NOTCH2: variants seen among roughly 807,000 people sequenced by gnomAD.
The protein encoded by NOTCH2 is neurogenic locus notch homolog protein 2.
NOTCH2 carries 29 observed loss-of-function variants against 235.8 expected under a neutral mutation model. The ratio of observed to expected loss-of-function variants is 0.12; its 90% CI spans 0.09 to 0.17. The LOEUF is 0.17. Among genes scored for constraint, NOTCH2 ranks in the 10% least tolerant of loss-of-function variants. The pLI is 1.00. For missense variants in NOTCH2, 2,285 were observed against 3,150.2 expected, an observed-to-expected ratio of 0.73 and a Z score of 6.57; for synonymous variants, 1,086 against 1,141.5, an observed-to-expected ratio of 0.95 and a Z score of 0.98.
At chr1:119,934,983 T>C (rs1649795408) in intron 22 of NOTCH2, 1 of 501,912 alleles carries the variant, frequency 2.0e-6, no homozygotes, top group Non-Finnish European at 2.6e-6. Context: ...CCTTACTGCA[T>C]CCTAAGGTAG....
Position 119,937,479 on chromosome 1 carries a change from G to A in NOTCH2, c.3338-13C>T. 3 of 1,611,550 alleles carry A rather than the reference G, an allele frequency of 1.9e-6. No individual in the cohort carries two copies. The highest frequency in any genetic ancestry group is 2.2e-5 in the East Asian group (1 of 44,870). ...TCAACAAGCACACCTGGGAAACCCA[G>A]TGAGGGAGAAATGTCATAGAAGAAC... On this transcript the variant is annotated splice_polypyrimidine_tract_variant and intron_variant, in intron 20 of 33. Transcript: ENST00000256646.
chr1:119,925,843 T>C, intron 24 of NOTCH2, 33 bp from the exon 25 acceptor site: 1 of 1,612,962 alleles, frequency 6.2e-7, no homozygotes. Flanking sequence ...AAAAATGGCA[T>C]TGGTAGGAAA....
intron 30 of NOTCH2, among the ~76,000 whole-genome samples, 168 bp from the exon 31 acceptor site, chr1:119,919,781 T>C (rs1023190872): frequency 2.0e-5 from 3 of 152,246 alleles, no homozygotes; most frequent in African/African-American, 4.8e-5. Context: ...CCTCTGATAG[T>C]ATCATTTCTG....
At chr1:119,969,826 T>G in intron 5 of NOTCH2, 82 bp from the exon 6 acceptor site, 1 of 1,222,128 alleles carries the variant, frequency 8.2e-7, no homozygotes, top group South Asian at 1.3e-5. Flanking sequence ...ACTCTTCATC[T>G]TCATGTGACC....
rs1452933408 is a variant in NOTCH2 at position 119,925,673 on chromosome 1, G to A, written c.4143C>T (p.Ser1381=). 2.5e-6 allele frequency: 4 copies of A among 1,612,322 alleles called. No individual in the cohort carries two copies. In the South Asian group the frequency reaches 3.3e-5, roughly 13 times the overall value. ...PRDCESGCAS[S]PCQHGGSCHP... ...GGCAGCTGCCCCCGTGCTGGCAGGGGCTACTGGCACAGCCTGACTCGCAGT... is the reference window on the plus strand; with the variant it reads ...GGCAGCTGCCCCCGTGCTGGCAGGGACTACTGGCACAGCCTGACTCGCAGT... The change falls in exon 25 of 34, where the codon AGC becomes AGT. Residue 1381 remains serine (S), a synonymous_variant. Transcript: ENST00000256646.
intron 5 of NOTCH2, among the ~76,000 whole-genome samples, chr1:119,980,038 T>C (rs1022337312): frequency 2.0e-5 from 3 of 152,234 alleles, no homozygotes; most frequent in African/African-American, 7.2e-5. Flanking sequence ...GCTTATGTTC[T>C]CGCTCTTTCC....
At chr1:119,996,048 T>C (rs1363290094) in intron 4 of NOTCH2, 5 of 153,402 alleles carry the variant, frequency 3.3e-5, no homozygotes, top group Non-Finnish European at 5.8e-5. Context: ...ACAGTTTTCC[T>C]TCTTTTGTTT....
At chr1:119,975,982 C>T (rs1651567073) in intron 5 of NOTCH2, among the ~76,000 whole-genome samples, 5 of 152,176 alleles carry the variant, frequency 3.3e-5, no homozygotes, top group Admixed American at 2.6e-4. Flanking sequence ...TGCTGAGCCT[C>T]GACTCTCATC....
chr1:120,046,164 T>G (rs1408763668), intron 1 of NOTCH2, among the ~76,000 whole-genome samples: 13 of 138,188 alleles, frequency 9.4e-5, no homozygotes, highest in African/African-American at 3.1e-4. Flanking sequence ...GAGTATACAG[T>G]ATGCCAGAAA....
Position 119,966,606 on chromosome 1 carries a change from G to GA in NOTCH2, c.1454-118dup. ...TTGCGAGTACACACATTTCTGCAGAGAAAAAAGGAACTCTGCCATGATGAG... is the reference window on the plus strand; with the variant it reads ...TTGCGAGTACACACATTTCTGCAGAGAAAAAAAGGAACTCTGCCATGATGAG... On this transcript the variant is annotated intron_variant, in intron 8 of 33. Coordinates refer to ENST00000256646, the MANE Select transcript of NOTCH2 (RefSeq NM_024408.4). 6.6e-6 allele frequency: 5 copies of GA among 757,216 alleles called. 1 individual carries two copies. The Admixed American group carries it at 9.5e-5, about 14-fold the overall frequency. 46.9% of individuals were successfully genotyped at this position (757,216 alleles called of 1,614,324 possible).
intron 5 of NOTCH2, among the ~76,000 whole-genome samples, chr1:119,981,937 T>C (rs1313308284): frequency 9.9e-5 from 15 of 151,174 alleles, no homozygotes; most frequent in African/African-American, 3.7e-4. Flanking sequence ...TCCATCCCTA[T>C]AGTCCTAAAA....
chr1:120,065,015 C>A (rs1227857618), intron 1 of NOTCH2, among the ~76,000 whole-genome samples: 1 of 152,004 alleles, frequency 6.6e-6, no homozygotes, highest in African/African-American at 2.4e-5. Flanking sequence ...GCAGTGGAAG[C>A]AAACTTGAGT....
chr1:119,918,142 C>G (rs1464267693), intron 32 of NOTCH2, among the ~76,000 whole-genome samples: 1 of 152,142 alleles, frequency 6.6e-6, no homozygotes, highest in African/African-American at 2.4e-5. Flanking sequence ...AGTGTTATGC[C>G]TAGGAAACTA....
chr1:119,940,561 G>C lies in NOTCH2; in HGVS notation c.3177C>G (p.Asn1059Lys). 6.2e-7 allele frequency: 1 copy of C among 1,613,530 alleles called. No individual in the cohort carries two copies. Among genetic ancestry groups the C allele is most frequent in the Non-Finnish European group, 8.5e-7 (1 of 1,179,740 alleles). The change falls in exon 19 of 34, where the codon AAC becomes AAG. Residue 1059 changes from asparagine to lysine, a missense_variant. Physicochemically the swap from Asn to Lys is moderately conservative, Grantham distance 94 (BLOSUM62 0). This residue lies in a region of NOTCH2 where 1,173 missense variants were observed against 1,515.3 expected (regional missense o/e 0.77). Transcript: ENST00000256646. ...TGGGAAGGAAGTCAATTACCTGACA[G>C]TTTTTCCCAGTGTAGCCCAGGGGGC... ...CSCPLGYTGKNCQTLVNLCSR... is the reference protein window; with the variant it reads ...CSCPLGYTGKKCQTLVNLCSR...
chr1:119,956,324 T>C (rs1356057459), intron 12 of NOTCH2, among the ~76,000 whole-genome samples: 1 of 152,256 alleles, frequency 6.6e-6, no homozygotes, highest in Non-Finnish European at 1.5e-5. Context: ...TGAATTTATA[T>C]ATTTCAAAGA....
At chr1:120,027,024 T>C (rs372054830) in intron 2 of NOTCH2, among the ~76,000 whole-genome samples, 943 of 132,794 alleles carry the variant, frequency 7.1e-3, no homozygotes, top group East Asian at 0.028. Context: ...CAATCTTGGC[T>C]CACTGCAAGC....
At chr1:119,954,947 C>A in intron 13 of NOTCH2, 93 bp downstream of exon 13, 2 of 1,259,976 alleles carry the variant, frequency 1.6e-6, no homozygotes, top group Non-Finnish European at 2.3e-6. Flanking sequence ...CAGCTCAAAG[C>A]CCCATTTGAC....
rs754734356 is a variant in NOTCH2, at chr1:119,915,751, G to C, written c.6971C>G (p.Pro2324Arg). Residue 2324 changes from proline to arginine, a missense_variant, in exon 34 of 34, where the codon CCT becomes CGT. Transcript: ENST00000256646. ...AACAGCTGGAGGGCAGGTGGACTGA[G>C]GCTGGGGAGCCCCCGCTGGTTGGGC... ...SIAQPAGAPQ[P>R]QSTCPPAVAG... is the part of the protein sequence containing the mutation. 5.0e-6 allele frequency: 8 copies of C among 1,607,962 alleles called. No homozygotes were observed. Among genetic ancestry groups the C allele is most frequent in the Non-Finnish European group, 6.8e-6 (8 of 1,175,872 alleles).
rs1649088431 is a variant in NOTCH2, at chr1:119,916,699, A to G, written c.6028-5T>C. 3 of 1,614,094 alleles carry G rather than the reference A, an allele frequency of 1.9e-6. No homozygotes were observed. The highest frequency in any genetic ancestry group is 1.1e-5 in the South Asian group (1 of 91,040). On this transcript the variant is annotated splice_polypyrimidine_tract_variant and splice_region_variant and intron_variant, in intron 33 of 33. Transcript: ENST00000256646. Reference sequence around the variant, plus strand: ...AAGAAACAGAGGTGTCTCTTCCTACAGAAAAGGCCCATCACAGAACACATG... The same window carrying G: ...AAGAAACAGAGGTGTCTCTTCCTACGGAAAAGGCCCATCACAGAACACATG...
Sources: allele counts gnomAD v4.1 joint callset (sites outside exome capture counted in the v4.1 genomes callset), GRCh38; gene constraint gnomAD v4.1.1; regional missense constraint gnomAD v4.1.1; transcripts MANE v1.5; gene names NCBI Gene and HGNC (gene_info 2026-07-23, HGNC 2026-07-21).